CCNC: variants seen among roughly 807,000 people sequenced by gnomAD.
The protein encoded by CCNC is cyclin-C.
CCNC carries 19 observed loss-of-function variants against 50.0 expected under a neutral mutation model. That is an observed-to-expected ratio of 0.38 (90% CI 0.27 to 0.56). The LOEUF is 0.56. Among genes scored for constraint, CCNC ranks in the 20% least tolerant of loss-of-function variants. The pLI, the probability that CCNC is intolerant of heterozygous loss-of-function variation, is 0.72. For synonymous variants in CCNC, 93 were observed against 103.7 expected, an observed-to-expected ratio of 0.90 and a Z score of 0.63; for missense variants, 200 against 327.1, an observed-to-expected ratio of 0.61 and a Z score of 3.00.
intron 2 of CCNC, 102 bp downstream of exon 2, chr6:99,562,740 T>TGTTA: frequency 1.6e-6 from 1 of 613,754 alleles, no homozygotes; most frequent in Non-Finnish European, 2.8e-6. Flanking sequence ...TAAGCAAAAA[T>TGTTA]GTTAGGTATG....
intron 1 of CCNC, chr6:99,567,079 A>G (rs2114434478): frequency 3.3e-6 from 1 of 299,192 alleles, no homozygotes; most frequent in Non-Finnish European, 6.7e-6. Flanking sequence ...AAAGAAGTAC[A>G]CTTAACTTTA....
At chr6:99,555,027 T>C (rs485924) in intron 5 of CCNC, among the ~76,000 whole-genome samples, 130,224 of 152,216 alleles carry the variant, frequency 0.86, 56,415 homozygotes, top group East Asian at 0.99. Context: ...GCTCCAACAA[T>C]GAGAAACCCG....
chr6:99,557,620 CA>C (rs1346525322), intron 5 of CCNC: 2 of 151,898 alleles, frequency 1.3e-5, no homozygotes, highest in Non-Finnish European at 2.9e-5. Flanking sequence ...GTCTGGCCAA[CA>C]TGGTGAAACC....
chr6:99,558,901 G>A (rs1311504675), intron 4 of CCNC, among the ~76,000 whole-genome samples: 1 of 152,048 alleles, frequency 6.6e-6, no homozygotes, highest in African/African-American at 2.4e-5. Context: ...TATTCTGCCT[G>A]TATTACCTCT....
intron 5 of CCNC, chr6:99,558,231 C>G: frequency 2.4e-6 from 1 of 423,892 alleles, no homozygotes; most frequent in Non-Finnish European, 4.0e-6. Context: ...TTTACTCTTA[C>G]AAGATTAAAA....
At chr6:99,546,302 A>C (rs1802067179) in intron 10 of CCNC, 93 bp downstream of exon 10, 1 of 816,608 alleles carries the variant, frequency 1.2e-6, no homozygotes, top group Admixed American at 1.9e-5. Context: ...TAATCTTCTT[A>C]GCCTGGTGGA....
chr6:99,546,871 T>C (rs534178834), intron 9 of CCNC, among the ~76,000 whole-genome samples: 32 of 152,290 alleles, frequency 2.1e-4, no homozygotes, highest in African/African-American at 7.5e-4. Context: ...ATATACTAGG[T>C]TTTAACAATG....
chr6:99,558,315 T>C, intron 5 of CCNC, 182 bp downstream of exon 5: 1 of 835,296 alleles, frequency 1.2e-6, no homozygotes, highest in South Asian at 3.3e-5. Context: ...TTATATCTTT[T>C]TAAAAAAAAA....
At chr6:99,548,218 A>C (rs1369931623) in intron 9 of CCNC, among the ~76,000 whole-genome samples, 1 of 152,056 alleles carries the variant, frequency 6.6e-6, no homozygotes, top group Non-Finnish European at 1.5e-5. Context: ...AATCTCAGTT[A>C]AAGTACCCAA....
At chr6:99,559,616 A>C (rs1179565526) in intron 4 of CCNC, among the ~76,000 whole-genome samples, 1 of 150,562 alleles carries the variant, frequency 6.6e-6, no homozygotes, top group Non-Finnish European at 1.5e-5. Flanking sequence ...ATTTCCATAA[A>C]ACTAGAGAAA....
intron 5 of CCNC, among the ~76,000 whole-genome samples, chr6:99,553,259 T>C (rs1470442228): frequency 6.6e-6 from 1 of 152,182 alleles, no homozygotes; most frequent in Non-Finnish European, 1.5e-5. Flanking sequence ...TTCTGAGTTT[T>C]ACAAATCCTT....
intron 5 of CCNC, among the ~76,000 whole-genome samples, chr6:99,552,268 A>G (rs1802331233): frequency 6.6e-6 from 1 of 152,182 alleles, no homozygotes; most frequent in Admixed American, 6.5e-5. Flanking sequence ...ATGTGTTTAC[A>G]ATATATACAA....
intron 9 of CCNC, among the ~76,000 whole-genome samples, chr6:99,548,499 C>G (rs948285972): frequency 1.3e-5 from 2 of 152,044 alleles, no homozygotes; most frequent in African/African-American, 4.8e-5. Context: ...AGGGGAAAAT[C>G]AAGAGGATGG....
At chr6:99,567,004 A>T (rs1405968176) in intron 1 of CCNC, 1 of 447,130 alleles carries the variant, frequency 2.2e-6, no homozygotes, top group Non-Finnish European at 4.5e-6. Context: ...TGCTCAAGGG[A>T]TTTGAGCAAG....
intron 4 of CCNC, among the ~76,000 whole-genome samples, chr6:99,559,869 GC>G (rs1176288232): frequency 6.6e-6 from 1 of 151,886 alleles, no homozygotes; most frequent in African/African-American, 2.4e-5. Context: ...ACAGGCATCT[GC>G]CACCACATCC....
chr6:99,568,479 G>T lies in CCNC; in HGVS notation c.32+17C>A, dbSNP rs1769255456. On this transcript the variant is annotated intron_variant, in intron 1 of 11. Transcript: ENST00000520429. ...CCCAAAAACCGGCCCCAGGTGAGAA[G>T]ACGGAAGATCGCTTACTAGTGGGAG... 3.1e-6 allele frequency: 5 copies of T among 1,611,144 alleles called. No homozygotes were observed. The highest frequency in any genetic ancestry group is 1.1e-5 in the South Asian group (1 of 90,560).
chr6:99,560,234 T>A (rs1026216592), intron 4 of CCNC, among the ~76,000 whole-genome samples: 5 of 152,174 alleles, frequency 3.3e-5, no homozygotes, highest in African/African-American at 4.8e-5. Flanking sequence ...TACATGGTAA[T>A]ATTTAAATAA....
At chr6:99,568,808 T>C (rs916061504), upstream of CCNC, 15 of 893,828 alleles carry the variant, frequency 1.7e-5, no homozygotes, top group South Asian at 2.2e-4. Flanking sequence ...GTGCTGAGAT[T>C]GAAGAGAACT....
intron 11 of CCNC, among the ~76,000 whole-genome samples, chr6:99,544,656 A>G (rs1337057409): frequency 6.6e-6 from 1 of 152,054 alleles, no homozygotes; most frequent in Non-Finnish European, 1.5e-5. Flanking sequence ...TTAAAAACCA[A>G]AATTCTTTAT....
Sources: gnomAD v4.1 joint callset for allele counts (sites outside exome capture counted in the v4.1 genomes callset) on GRCh38, gnomAD v4.1.1 for gene constraint, MANE v1.5 for transcripts, NCBI Gene and HGNC (gene_info 2026-07-23, HGNC 2026-07-21) for gene names.